POMT2: variants seen among roughly 807,000 people sequenced by gnomAD.
POMT2 encodes protein O-mannosyl-transferase 2.
Under a neutral mutation model 100.0 loss-of-function variants are expected in POMT2, and 75 were observed. The ratio of observed to expected loss-of-function variants is 0.75; its 90% CI spans 0.62 to 0.91. POMT2 has a LOEUF of 0.91. POMT2 is among the 40% of genes least tolerant of loss of function. The pLI is 0.00. For synonymous variants in POMT2, 378 were observed against 374.1 expected (o/e 1.01, Z -0.12); for missense variants, 940 against 955.1 (o/e 0.98, Z 0.21).
chr14:77,301,190 G>A lies in POMT2; in HGVS notation c.716C>T (p.Ala239Val), dbSNP rs753115104. The A allele has an allele frequency of 1.9e-6, 3 of 1,614,212 alleles. No individual in the cohort carries two copies. Among genetic ancestry groups the A allele is most frequent in the Non-Finnish European group, 1.7e-6 (2 of 1,180,040 alleles). The change falls in exon 6 of 21, where the codon GCT (alanine) becomes GTT (valine). Residue 239 changes from alanine to valine, a missense_variant. Coordinates refer to ENST00000261534, the MANE Select transcript of POMT2 (RefSeq NM_013382.7). ...GAGGCCAACAAACTTGACCCCTAAA[G>A]CACCAGCAAGACTAACGCCAGTCAG... The part of the protein sequence containing the change: ...LSLTGVSLAG[A>V]LGVKFVGLFI...
At chr14:77,318,002 C>A (rs1891691691) in intron 1 of POMT2, among the ~76,000 whole-genome samples, 1 of 152,144 alleles carries the variant, frequency 6.6e-6, no homozygotes, top group Admixed American at 6.5e-5. Flanking sequence ...AATTTTCTAA[C>A]AATTGGATAT....
In POMT2 at chr14:77,300,398, G is replaced by A. The variant is rs188165356; in HGVS notation, c.816+692C>T. ...CCTACCTCATAGGACTATTATGAGG[G>A]GTAAATGAGATAATGAAGGTAAAGC... On this transcript the variant is annotated intron_variant, in intron 6 of 20. Coordinates refer to ENST00000261534, the MANE Select transcript of POMT2 (RefSeq NM_013382.7). 891 of 155,174 alleles carry A rather than the reference G, an allele frequency of 5.7e-3. 12 individuals carry two copies. Among genetic ancestry groups the A allele is most frequent in the Non-Finnish European group, 6.1e-3 (428 of 70,026 alleles). 9.6% of individuals were successfully genotyped at this position (155,174 alleles called of 1,614,324 possible).
chr14:77,283,864 A>T lies in POMT2; in HGVS notation c.1586T>A (p.Ile529Asn). 1 of 1,611,778 alleles carries T rather than the reference A, an allele frequency of 6.2e-7. No individual in the cohort carries two copies. The highest frequency in any genetic ancestry group is 8.5e-7 in the Non-Finnish European group (1 of 1,177,842). ...ACTGGGCTGTAGCACATCCAGGCTGATGTTTGGCACTAGGGGAAAAAAATG... is the reference window on the plus strand; with the variant it reads ...ACTGGGCTGTAGCACATCCAGGCTGTTGTTTGGCACTAGGGGAAAAAAATG... ...EDHINPKLPN[I>N]SLDVLQPSFP... The change falls in exon 15 of 21, where the codon ATC (isoleucine) becomes AAC (asparagine). Residue 529 changes from isoleucine to asparagine, a missense_variant. Ile to Asn is a moderately radical substitution (Grantham distance 149). Transcript: ENST00000261534.
intron 8 of POMT2, 175 bp from the exon 9 acceptor site, chr14:77,296,448 C>T: frequency 1.6e-6 from 1 of 609,084 alleles, no homozygotes; most frequent in Non-Finnish European, 3.0e-6. Context: ...AGACAGAGTT[C>T]ACCACAGGGC....
chr14:77,296,194 G>A lies in POMT2; in HGVS notation c.1086C>T (p.Tyr362=), dbSNP rs761286941. The change falls in exon 9 of 21, where the codon TAC becomes TAT. Residue 362 remains tyrosine, a synonymous_variant. Coordinates refer to ENST00000261534, the MANE Select transcript of POMT2 (RefSeq NM_013382.7). ...IGYLHSHRHL[Y]PEGIGARQQQ... ...GCTGACGGGCACCAATGCCCTCGGG[G>A]TAGAGGTGCCTGTGGGAGTGCAGAT... The A allele has an allele frequency of 3.7e-6, 6 of 1,608,098 alleles. No homozygotes were observed. Among genetic ancestry groups the A allele is most frequent in the East Asian group, 2.2e-5 (1 of 44,722 alleles).
intron 10 of POMT2, among the ~76,000 whole-genome samples, chr14:77,290,792 C>T (rs1286937164): frequency 6.6e-6 from 1 of 152,246 alleles, no homozygotes; most frequent in African/African-American, 2.4e-5. Flanking sequence ...CGAGTCACAT[C>T]TCAGGAATTA....
At position 77,320,462 on chromosome 14, in the gene POMT2, G is replaced by A. The variant is rs1398447748; in HGVS notation, c.220C>T (p.His74Tyr). 1.9e-6 allele frequency: 3 copies of A among 1,545,814 alleles called. No homozygotes were observed. Among genetic ancestry groups the A allele is most frequent in the Non-Finnish European group, 2.6e-6 (3 of 1,147,016 alleles). Residue 74 changes from histidine (H) to tyrosine (Y), a missense_variant, in exon 1 of 21, where the codon CAC (histidine) becomes TAC (tyrosine). By Grantham distance (83) the His-to-Tyr change is moderately conservative (BLOSUM62 2). Transcript: ENST00000261534. ...VTLLSFATRF[H>Y]RLDEPPHICW... The stretch of plus-strand genomic sequence containing the variant: ...ATGTGCGGCGGCTCGTCCAAGCGGT[G>A]GAAGCGGGTGGCGAAGGACAGCAGC...
intron 3 of POMT2, among the ~76,000 whole-genome samples, chr14:77,305,534 A>C (rs1220485692): frequency 6.6e-6 from 1 of 152,216 alleles, no homozygotes; most frequent in African/African-American, 2.4e-5. Flanking sequence ...TGAGGGTAGG[A>C]TATACTCCTT....
intron 12 of POMT2, 100 bp from the exon 13 acceptor site, chr14:77,285,732 A>T (rs1217028247): frequency 3.6e-6 from 5 of 1,396,558 alleles, no homozygotes; most frequent in African/African-American, 1.4e-5. Flanking sequence ...CCATGTTATG[A>T]AGGTCAAAGA....
chr14:77,292,337 T>C (rs1299789950), intron 9 of POMT2, among the ~76,000 whole-genome samples: 1 of 152,216 alleles, frequency 6.6e-6, no homozygotes, highest in East Asian at 1.9e-4. Flanking sequence ...CTACCATTTA[T>C]TACCAGGCAC....
In POMT2 at chr14:77,312,001, C is replaced by G. The variant is rs769785987; in HGVS notation, c.281G>C (p.Ser94Thr). 1 of 1,614,092 alleles carries G rather than the reference C, an allele frequency of 6.2e-7. No individual in the cohort carries two copies. The change falls in exon 2 of 21, where the codon AGT becomes ACT. Residue 94 changes from serine (S) to threonine (T), a missense_variant. Coordinates refer to ENST00000261534, the MANE Select transcript of POMT2 (RefSeq NM_013382.7). Reference protein sequence around the residue: ...WDETHFGKMGSYYINRTFFFD... With the variant: ...WDETHFGKMGTYYINRTFFFD... ...GAAAAATGTACGGTTGATATAGTAACTTCCCATTTTTCCAAAGTGAGTCTC... is the reference window on the plus strand; with the variant it reads ...GAAAAATGTACGGTTGATATAGTAAGTTCCCATTTTTCCAAAGTGAGTCTC...
chr14:77,279,387 C>T (rs1890116834), intron 18 of POMT2: 1 of 379,252 alleles, frequency 2.6e-6, no homozygotes, highest in Non-Finnish European at 5.1e-6. Context: ...ACTCAATAAC[C>T]CTGGAGGCTC....
chr14:77,306,366 C>G lies in POMT2; in HGVS notation c.409G>C (p.Glu137Gln). 1 of 1,613,148 alleles carries G rather than the reference C, an allele frequency of 6.2e-7. No individual in the cohort carries two copies. The highest frequency in any genetic ancestry group is 8.5e-7 in the Non-Finnish European group (1 of 1,179,184). ...FLFQKPGDKY[E>Q]HHSYMGMRGF... ...CTCATTCCCATGTAGCTGTGATGCT[C>G]ATATTTATCCCCAGGCTTCTGGAAC... The change falls in exon 3 of 21, where the codon GAG (glutamate) becomes CAG (glutamine). Residue 137 changes from glutamate (E) to glutamine (Q), a missense_variant. Glu to Gln is a conservative substitution (Grantham distance 29). Coordinates refer to ENST00000261534, the MANE Select transcript of POMT2 (RefSeq NM_013382.7).
intron 14 of POMT2, 103 bp downstream of exon 14, chr14:77,284,846 CA>C: frequency 2.0e-6 from 2 of 983,302 alleles, no homozygotes; most frequent in Non-Finnish European, 3.2e-6. Flanking sequence ...CAAACAGCAG[CA>C]AGTTGAAGGG....
intron 2 of POMT2, among the ~76,000 whole-genome samples, chr14:77,310,519 A>G (rs1381493287): frequency 6.6e-6 from 1 of 152,148 alleles, no homozygotes; most frequent in Non-Finnish European, 1.5e-5. Context: ...TTGGGCTCAG[A>G]GCCAATTTTG....
At chr14:77,290,573 C>G (rs189067601) in intron 10 of POMT2, among the ~76,000 whole-genome samples, 1 of 152,346 alleles carries the variant, frequency 6.6e-6, no homozygotes, top group East Asian at 1.9e-4. Flanking sequence ...ACAGGACTGT[C>G]AGCAGAGATG....
At chr14:77,291,883 A>G (rs1269289088) in intron 9 of POMT2, among the ~76,000 whole-genome samples, 2 of 152,140 alleles carry the variant, frequency 1.3e-5, no homozygotes, top group Admixed American at 1.3e-4. Flanking sequence ...AAATACAAAA[A>G]TTAGCCGGGC....
intron 4 of POMT2, among the ~76,000 whole-genome samples, chr14:77,304,011 A>T (rs1444345288): frequency 6.6e-6 from 1 of 152,256 alleles, no homozygotes; most frequent in Non-Finnish European, 1.5e-5. Context: ...TTCAAGATAC[A>T]AGGAAAAAGC....
intron 1 of POMT2, 164 bp from the exon 2 acceptor site, chr14:77,312,197 A>C: frequency 8.1e-7 from 1 of 1,227,286 alleles, no homozygotes; most frequent in Non-Finnish European, 1.1e-6. Context: ...TTTAGGAAGA[A>C]AGACATCAAG....
Sources: gnomAD v4.1 joint callset for allele counts (sites outside exome capture counted in the v4.1 genomes callset) on GRCh38, gnomAD v4.1.1 for gene constraint, MANE v1.5 for transcripts, NCBI Gene and HGNC (gene_info 2026-07-23, HGNC 2026-07-21) for gene names.